Variants in SI observed in about 807,000 individuals in gnomAD.
SI encodes sucrase-isomaltase.
SI carries 235 observed loss-of-function variants against 253.3 expected under a neutral mutation model. The observed-to-expected ratio is 0.93, with a 90% CI of 0.83 to 1.03. The LOEUF (loss-of-function observed/expected upper bound fraction) is 1.03, where lower values mean the gene tolerates loss of function less well. Among genes scored for constraint, SI ranks in the 50% least tolerant of loss-of-function variants. The pLI, the probability that SI is intolerant of heterozygous loss-of-function variation, is 0.00. For missense variants in SI, 2,442 were observed against 2,211.1 expected (o/e 1.10, Z -2.09); for synonymous variants, 819 against 712.0 (o/e 1.15, Z -2.39).
intron 40 of SI, among the ~76,000 whole-genome samples, chr3:164,995,789 A>G (rs906418302): frequency 1.3e-5 from 2 of 151,776 alleles, no homozygotes; most frequent in African/African-American, 4.8e-5. Context: ...TCCCTTATAG[A>G]CATTTATTTG....
At position 165,009,315 on chromosome 3, in the gene SI, A is replaced by G. The variant is rs1718659711; in HGVS notation, c.4143T>C (p.Phe1381=). 6.2e-7 allele frequency: 1 copy of G among 1,612,598 alleles called. No homozygotes were observed. Among genetic ancestry groups the G allele is most frequent in the Non-Finnish European group, 8.5e-7 (1 of 1,178,752 alleles). Residue 1381 remains phenylalanine, a synonymous_variant, in exon 35 of 48, where the codon TTT becomes TTC. Transcript: ENST00000264382. ...CATCAAACTTCATCTTTTCATTGTA[A>G]AAGTCCACAATTTCTCTGGCCCACC... ...AEWWAREIVD[F]YNEKMKFDGL...
chr3:165,020,192 G>T (rs909746815), intron 27 of SI, among the ~76,000 whole-genome samples: 1 of 151,418 alleles, frequency 6.6e-6, no homozygotes, highest in Admixed American at 6.6e-5. Flanking sequence ...ATATTATAAT[G>T]AATTTTAAGT....
chr3:165,007,310 CCA>C (rs1718560937), intron 36 of SI, among the ~76,000 whole-genome samples: 1 of 152,014 alleles, frequency 6.6e-6, no homozygotes, highest in Non-Finnish European at 1.5e-5. Context: ...GCCTTTTGAT[CCA>C]CATTTTCTCA....
chr3:165,018,726 A>C (rs753516126), intron 28 of SI, among the ~76,000 whole-genome samples: 2 of 151,524 alleles, frequency 1.3e-5, no homozygotes, highest in Non-Finnish European at 3.0e-5. Flanking sequence ...AAGTAATTTT[A>C]GATATCAAGA....
chr3:165,057,282 T>A (rs757555908), intron 12 of SI, among the ~76,000 whole-genome samples: 18 of 150,976 alleles, frequency 1.2e-4, no homozygotes, highest in Non-Finnish European at 2.4e-4. Flanking sequence ...TATTTGAAAA[T>A]ACACAGTCAG....
At chr3:164,991,215 C>T (rs947115684) in intron 44 of SI, 138 bp downstream of exon 44, 12 of 887,984 alleles carry the variant, frequency 1.4e-5, no homozygotes, top group Admixed American at 7.2e-5. Context: ...TTGTCTCTGA[C>T]CTGGCATTCA....
intron 34 of SI, among the ~76,000 whole-genome samples, chr3:165,009,817 C>T (rs76037217): frequency 0.12 from 18,352 of 152,096 alleles, 1,178 homozygotes; most frequent in South Asian, 0.17. Flanking sequence ...CATCTCACCA[C>T]CCTCATCAAC....
intron 7 of SI, among the ~76,000 whole-genome samples, chr3:165,064,920 T>A (rs898798495): frequency 5.9e-5 from 9 of 152,102 alleles, no homozygotes; most frequent in African/African-American, 2.2e-4. Flanking sequence ...TGAAGACATG[T>A]AAAACAGTGT....
In SI at chr3:165,018,271, T is replaced by C. The variant is rs377661603; in HGVS notation, c.3424-205A>G. Among the ~76,000 whole-genome samples the C allele has an allele frequency of 2.7e-5, 4 of 150,792 alleles. No individual in the cohort carries two copies. The East Asian group carries it at 5.8e-4, about 22-fold the overall frequency. The stretch of plus-strand genomic sequence containing the variant: ...TTTCTGCTTTCGTGCAGTTTACAAA[T>C]ATGTTTCTATAATATTTGTATATTA... On this transcript the variant is annotated intron_variant, in intron 28 of 47. Coordinates refer to ENST00000264382, the MANE Select transcript of SI (RefSeq NM_001041.4).
At position 165,032,685 on chromosome 3, in the gene SI, A is replaced by C. The variant is rs530441369; in HGVS notation, c.2573T>G (p.Leu858Ter). The change falls in exon 24 of 48, where the codon TTA becomes TGA. Residue 858 changes from leucine (L) to a stop codon, truncating the protein, a stop_gained. Transcript: ENST00000264382. LOFTEE classifies it high-confidence loss of function. Reference sequence around the variant, plus strand: ...TGATGAATGTGTGCACACAATATCTAATGTGTTCTGAGAAAAATAGTATAA... The same window carrying C: ...TGATGAATGTGTGCACACAATATCTCATGTGTTCTGAGAAAAATAGTATAA... ...LYTFSVSNNT[L>*]DIVCTHSSYQ... 1 of 1,595,510 alleles carries C rather than the reference A, an allele frequency of 6.3e-7. No homozygotes were observed. Among genetic ancestry groups the C allele is most frequent in the South Asian group, 1.1e-5 (1 of 90,542 alleles).
intron 22 of SI, among the ~76,000 whole-genome samples, chr3:165,035,307 T>C (rs1410918829): frequency 1.3e-5 from 2 of 152,004 alleles, no homozygotes; most frequent in Admixed American, 6.6e-5. Flanking sequence ...AGAATATTTA[T>C]AATTAATAGC....
intron 7 of SI, among the ~76,000 whole-genome samples, 155 bp downstream of exon 7, chr3:165,065,106 G>T (rs191880693): frequency 6.3e-4 from 96 of 152,030 alleles, no homozygotes; most frequent in Admixed American, 4.7e-3. Flanking sequence ...CCTATCAATT[G>T]TCCCTCCCAA....
intron 17 of SI, among the ~76,000 whole-genome samples, chr3:165,041,376 G>T (rs1314493217): frequency 1.3e-5 from 2 of 151,788 alleles, no homozygotes; most frequent in Non-Finnish European, 2.9e-5. Context: ...TTTTTATCTT[G>T]TAAATCAATG....
chr3:165,042,589 T>C (rs1300976216), intron 17 of SI, among the ~76,000 whole-genome samples: 9 of 152,154 alleles, frequency 5.9e-5, no homozygotes, highest in Admixed American at 5.9e-4. Context: ...GCCAGTTCTA[T>C]TTATTATTGA....
rs11927199 is a variant in SI at position 165,069,027 on chromosome 3, G to A, written c.373+51C>T. ...TATTTAAGGTATTTTCCACATTTTCGCTCCAGTTAGAATATATCATATTGA... is the reference window on the plus strand; with the variant it reads ...TATTTAAGGTATTTTCCACATTTTCACTCCAGTTAGAATATATCATATTGA... On this transcript the variant is annotated intron_variant, in intron 4 of 47. Coordinates refer to ENST00000264382, the MANE Select transcript of SI (RefSeq NM_001041.4). The A allele has an allele frequency of 9.7e-4, 1,230 of 1,268,818 alleles. 9 individuals are homozygous for A. In the African/African-American group the frequency reaches 0.015, roughly 16 times the overall value. The allele number at this position is 1,268,818 out of a possible 1,614,324, so 78.6% of individuals were successfully genotyped here.
chr3:164,987,872 C>T (rs1252835495), intron 44 of SI, among the ~76,000 whole-genome samples: 1 of 152,118 alleles, frequency 6.6e-6, no homozygotes, highest in Non-Finnish European at 1.5e-5. Flanking sequence ...CTGTCATTAA[C>T]CATTAAACAT....
Position 165,035,036 on chromosome 3 carries a change from A to G in SI, c.2515+1353T>C, listed in dbSNP as rs190180309. Among the ~76,000 whole-genome samples, 11 of 152,116 alleles carry G rather than the reference A, an allele frequency of 7.2e-5. No homozygotes were observed. In the East Asian group the frequency reaches 2.1e-3, roughly 30 times the overall value. On this transcript the variant is annotated intron_variant, in intron 22 of 47. Coordinates refer to ENST00000264382, the MANE Select transcript of SI (RefSeq NM_001041.4). ...CTTAGGTTGTGAGAGATAATAGCCC[A>G]TTCCAAGGTGTTGGCATCTGTAGCA...
At chr3:165,082,814 T>C (rs1206268199), upstream of SI, among the ~76,000 whole-genome samples, 1 of 152,000 alleles carries the variant, frequency 6.6e-6, no homozygotes, top group Non-Finnish European at 1.5e-5. Flanking sequence ...AGTCAAAGTC[T>C]ATACAGAACT....
intron 9 of SI, 49 bp downstream of exon 9, chr3:165,062,322 G>T: frequency 1.1e-6 from 1 of 890,020 alleles, no homozygotes; most frequent in South Asian, 1.3e-5. Flanking sequence ...CATGTTAGAT[G>T]AAATAAAAGT....
Sources: gnomAD v4.1 joint callset for allele counts (sites outside exome capture counted in the v4.1 genomes callset) on GRCh38, gnomAD v4.1.1 for gene constraint, MANE v1.5 for transcripts, NCBI Gene and HGNC (gene_info 2026-07-23, HGNC 2026-07-21) for gene names.